Variants in PLP2 observed in about 807,000 individuals in gnomAD.
PLP2 encodes A4 differentiation-dependent protein.
PLP2 carries 8 observed loss-of-function variants against 11.4 expected under a neutral mutation model. The ratio of observed to expected loss-of-function variants is 0.70; its 90% CI spans 0.41 to 1.27. The LOEUF is 1.27. PLP2 is among the 50% of genes most tolerant of loss of function. The probability of loss-of-function intolerance (pLI) is 0.01; values close to 1 mark genes in which losing one functional copy is unlikely to be tolerated. For synonymous variants in PLP2, 50 were observed against 53.2 expected (o/e 0.94, Z 0.26); for missense variants, 127 against 123.5 (o/e 1.03, Z -0.14).
intron 1 of PLP2, 55 bp from the exon 2 acceptor site, chrX:49,173,074 A>G: frequency 8.8e-7 from 1 of 1,141,569 alleles, no homozygotes. Context: ...ATTTAAACCA[A>G]TCTTCTCAGC....
At chrX:49,173,587 G>A (rs1557099501) in intron 3 of PLP2, 104 bp downstream of exon 3, 4 of 1,184,498 alleles carry the variant, frequency 3.4e-6, no homozygotes, top group South Asian at 1.8e-5. Context: ...CCCACAGCAA[G>A]TCACACTTGT....
At chrX:49,173,936 G>A (rs2065401687) in intron 3 of PLP2, among the ~76,000 whole-genome samples, 1 of 111,454 alleles carries the variant, frequency 9.0e-6, no homozygotes, top group Admixed American at 9.5e-5. Flanking sequence ...CGGGCATGGT[G>A]GTGGGCGCCT....
intron 1 of PLP2, among the ~76,000 whole-genome samples, chrX:49,172,758 G>C (rs1181334046): frequency 8.9e-6 from 1 of 112,105 alleles, no homozygotes; most frequent in East Asian, 2.8e-4. Flanking sequence ...CAAAGCTGGC[G>C]TCAGCGGGGC....
intron 3 of PLP2, chrX:49,173,711 C>A: frequency 3.2e-6 from 2 of 632,427 alleles, no homozygotes; most frequent in Non-Finnish European, 2.4e-6. Context: ...GAGGTACAAA[C>A]AGGCGGCCCC....
intron 2 of PLP2, 49 bp from the exon 3 acceptor site, chrX:49,173,339 G>C (rs926036810): frequency 3.0e-5 from 36 of 1,204,865 alleles, no homozygotes; most frequent in Non-Finnish European, 4.0e-5. Flanking sequence ...TAGGATTGTC[G>C]GGGAACTGTG....
At position 49,172,053 on chromosome X, in the gene PLP2, A is replaced by G; in HGVS notation, c.53A>G (p.Asn18Ser). The G allele has an allele frequency of 1.7e-6, 2 of 1,208,310 alleles. No homozygotes were observed. The highest frequency in any genetic ancestry group is 2.2e-6 in the Non-Finnish European group (2 of 892,471). Residue 18 changes from asparagine to serine, a missense_variant, in exon 1 of 5, where the codon AAC becomes AGC. Coordinates refer to ENST00000376327, the MANE Select transcript of PLP2 (RefSeq NM_002668.3). ...CCTGGCTGCTGGGCCGCCTGCACCA[A>G]CTTCTCGCGCACTCGAAAGGGAATC... is the stretch of plus-strand genomic sequence containing the variant. The part of the protein sequence containing the change: ...SAPGCWAACT[N>S]FSRTRKGILL...
Position 49,173,500 on chromosome X carries a change from C to A in PLP2, c.345+17C>A. On this transcript the variant is annotated intron_variant, in intron 3 of 4. Transcript: ENST00000376327. ...GTCGCAGGGGTAAAGGCCATGGGAG[C>A]AGCTCTGAAGCACAGAGCGAAGGGT... The A allele has an allele frequency of 8.3e-7, 1 of 1,211,910 alleles. No individual in the cohort carries two copies. The highest frequency in any genetic ancestry group is 1.1e-6 in the Non-Finnish European group (1 of 895,536).
rs371483172 is a variant in PLP2 at position 49,174,632 on chromosome X, T to C, written c.437-40T>C. 376 of 1,180,032 alleles carry C rather than the reference T, an allele frequency of 3.2e-4. No homozygotes were observed. The African/African-American group carries it at 4.8e-3, about 15-fold the overall frequency. On this transcript the variant is annotated intron_variant, in intron 4 of 4. Coordinates refer to ENST00000376327, the MANE Select transcript of PLP2 (RefSeq NM_002668.3). ...GATCTTGTTTTAAAAAATGGGCATATAGATTCAGCCAATGCTTTCTCTCTT... is the reference window on the plus strand; with the variant it reads ...GATCTTGTTTTAAAAAATGGGCATACAGATTCAGCCAATGCTTTCTCTCTT...
intron 3 of PLP2, 26 bp from the exon 4 acceptor site, chrX:49,174,309 C>G: frequency 1.8e-6 from 2 of 1,111,355 alleles, no homozygotes; most frequent in Non-Finnish European, 2.5e-6. Context: ...TAATCTAAAC[C>G]CCCTCACTCC....
chrX:49,174,541 G>A, intron 4 of PLP2, 116 bp downstream of exon 4: 1 of 856,829 alleles, frequency 1.2e-6, no homozygotes, highest in Non-Finnish European at 1.7e-6. Flanking sequence ...TTGGTACTTA[G>A]GGCTTTTGTA....
intron 3 of PLP2, 121 bp from the exon 4 acceptor site, chrX:49,174,214 C>A (rs782740613): frequency 1.8e-6 from 1 of 552,133 alleles, no homozygotes; most frequent in African/African-American, 2.3e-5. Flanking sequence ...GGCTTACCAA[C>A]CCGGTGCTTG....
chrX:49,174,509 G>A (rs1278648742), intron 4 of PLP2, 84 bp downstream of exon 4: 42 of 919,048 alleles, frequency 4.6e-5, no homozygotes, highest in Non-Finnish European at 5.9e-5. Context: ...TTAAAGGCAC[G>A]AATGCCAACT....
At chrX:49,174,625 G>A (rs782476290) in intron 4 of PLP2, 47 bp from the exon 5 acceptor site, 5 of 1,151,507 alleles carry the variant, frequency 4.3e-6, no homozygotes, top group Admixed American at 2.2e-5. Context: ...TTTAAAAAAT[G>A]GGCATATAGA....
At position 49,172,087 on chromosome X, in the gene PLP2, T is replaced by G; in HGVS notation, c.87T>G (p.Phe29Leu). 1 of 1,193,514 alleles carries G rather than the reference T, an allele frequency of 8.4e-7. No individual in the cohort carries two copies. The highest frequency in any genetic ancestry group is 1.1e-6 in the Non-Finnish European group (1 of 879,523). Residue 29 changes from phenylalanine to leucine, a missense_variant, in exon 1 of 5, where the codon TTT (phenylalanine) becomes TTG (leucine). Coordinates refer to ENST00000376327, the MANE Select transcript of PLP2 (RefSeq NM_002668.3). ...FSRTRKGILL[F>L]AEIILCLVIL... ...GCACTCGAAAGGGAATCCTCCTGTT[T>G]GCTGAGATTGTGAGCGTTCTGGGGC...
At chrX:49,173,024 T>G in intron 1 of PLP2, 105 bp from the exon 2 acceptor site, 1 of 674,927 alleles carries the variant, frequency 1.5e-6, no homozygotes, top group Non-Finnish European at 2.4e-6. Flanking sequence ...TTGTATGTCA[T>G]TTCCCCAGCC....
intron 1 of PLP2, 75 bp downstream of exon 1, chrX:49,172,171 G>A: frequency 2.6e-6 from 2 of 766,146 alleles, no homozygotes; most frequent in East Asian, 3.4e-5. Flanking sequence ...GATGGTCCGG[G>A]TGAGGCAGGC....
In PLP2 at chrX:49,173,163, C is replaced by T; in HGVS notation, c.131C>T (p.Ala44Val). The T allele has an allele frequency of 8.3e-7, 1 of 1,209,243 alleles. No individual in the cohort carries two copies. Among genetic ancestry groups the T allele is most frequent in the Non-Finnish European group, 1.1e-6 (1 of 893,352 alleles). The change falls in exon 2 of 5, where the codon GCC (alanine) becomes GTC (valine). Residue 44 changes from alanine to valine, a missense_variant. Coordinates refer to ENST00000376327, the MANE Select transcript of PLP2 (RefSeq NM_002668.3). ...CTGGTGATCCTGATCTGCTTCAGTG[C>T]CTCCACACCAGGCTACTCCTCCCTG... Reference protein sequence around the residue: ...LCLVILICFSASTPGYSSLSV... With the variant: ...LCLVILICFSVSTPGYSSLSV...
In PLP2 at chrX:49,175,153, A is replaced by G. The variant is rs2065408081; in HGVS notation, c.*459A>G. 5.2e-6 allele frequency: 1 copy of G among 190,679 alleles called. No homozygotes were observed. Among genetic ancestry groups the G allele is most frequent in the Non-Finnish European group, 9.7e-6 (1 of 102,680 alleles). 15.7% of individuals were successfully genotyped at this position (190,679 alleles called of 1,213,427 possible). The stretch of plus-strand genomic sequence containing the variant: ...AAATTTCAAGCATCAGGAGGGGGAA[A>G]TGGAGTGGAAACAGCTGGGGCAAGG... On this transcript the variant is annotated 3_prime_UTR_variant, in exon 5 of 5. Coordinates refer to ENST00000376327, the MANE Select transcript of PLP2 (RefSeq NM_002668.3).
chrX:49,173,789 C>T (rs781949048), intron 3 of PLP2: 39 of 442,705 alleles, frequency 8.8e-5, no homozygotes, highest in Non-Finnish European at 1.4e-4. Context: ...TGGGGCCGGG[C>T]GCAGTGGCTC....
Sources: allele counts gnomAD v4.1 joint callset (sites outside exome capture counted in the v4.1 genomes callset), GRCh38; gene constraint gnomAD v4.1.1; transcripts MANE v1.5; gene names NCBI Gene and HGNC (gene_info 2026-07-23, HGNC 2026-07-21).